THAP9: variants seen among roughly 807,000 people sequenced by gnomAD.
THAP9 encodes DNA transposase THAP9.
THAP9 carries 20 observed loss-of-function variants against 35.7 expected under a neutral mutation model. The ratio of observed to expected loss-of-function variants is 0.56; its 90% CI spans 0.39 to 0.81. The LOEUF is 0.81. Among genes scored for constraint, THAP9 ranks in the 40% least tolerant of loss-of-function variants. THAP9 has a pLI of 0.00. For synonymous variants in THAP9, 335 were observed against 373.7 expected (o/e 0.90, Z 1.19); for missense variants, 870 against 1,047.4 (o/e 0.83, Z 2.34).
In THAP9 at chr4:82,918,920, A is replaced by G; in HGVS notation, c.2708A>G (p.Lys903Arg). ...HLLSNDGYPF[K>R] ...CTAAGTAACGATGGATATCCATTCA[A>G]ATGAGAGACCTAAAATATATTAACA... Residue 903 changes from lysine (K) to arginine (R), a missense_variant, in exon 5 of 5, where the codon AAA (lysine) becomes AGA (arginine). By Grantham distance (26) the Lys-to-Arg change is conservative (BLOSUM62 2). This residue lies in a region of THAP9 where 414 missense variants were observed against 500.8 expected (regional missense o/e 0.83). Coordinates refer to ENST00000302236, the MANE Select transcript of THAP9 (RefSeq NM_024672.6). 1.9e-6 allele frequency: 3 copies of G among 1,575,900 alleles called. No individual in the cohort carries two copies. Among genetic ancestry groups the G allele is most frequent in the Non-Finnish European group, 2.6e-6 (3 of 1,162,344 alleles).
In THAP9 at chr4:82,917,441, C is replaced by T. The variant is rs1488528245; in HGVS notation, c.1229C>T (p.Ala410Val). 1 of 1,613,938 alleles carries T rather than the reference C, an allele frequency of 6.2e-7. No homozygotes were observed. Among genetic ancestry groups the T allele is most frequent in the Non-Finnish European group, 8.5e-7 (1 of 1,179,972 alleles). ...QHPSSSSQQI[A>V]YFFDSCHLLR... ...CCTTCATCTTCTAGTCAACAGATTG[C>T]ATACTTCTTTGACTCTTGCCACTTG... Residue 410 changes from alanine to valine, a missense_variant, in exon 5 of 5, where the codon GCA becomes GTA. Ala to Val is a moderately conservative substitution (Grantham distance 64). Around this residue, in one of 3 missense-constraint regions of THAP9, gnomAD observed 440 missense variants for 501.2 expected, o/e 0.88. Transcript: ENST00000302236.
chr4:82,919,061 T>C lies in THAP9; in HGVS notation c.*137T>C, dbSNP rs932773246. 5 of 684,462 alleles carry C rather than the reference T, an allele frequency of 7.3e-6. No individual in the cohort carries two copies. The East Asian group carries it at 1.4e-4, about 19-fold the overall frequency. The allele number at this position is 684,462 out of a possible 1,614,324, so 42.4% of individuals were successfully genotyped here. A position where few individuals can be genotyped will look rare whatever the true frequency, so the allele number is the denominator to read the frequency against. On this transcript the variant is annotated 3_prime_UTR_variant, in exon 5 of 5. Transcript: ENST00000302236. ...ATTCTGACTTATTAAAATTTCAAAT[T>C]CTGCATATCACAAAATCTCCTTATA...
chr4:82,904,659 G>A (rs1720568589), intron 1 of THAP9, 77 bp from the exon 2 acceptor site: 5 of 1,270,624 alleles, frequency 3.9e-6, no homozygotes, highest in South Asian at 3.0e-5. Flanking sequence ...AATAATAGAT[G>A]GGTTTATATA....
At chr4:82,901,094 C>T (rs1330928845) in intron 1 of THAP9, 1 of 712,136 alleles carries the variant, frequency 1.4e-6, no homozygotes, top group South Asian at 1.5e-5. Flanking sequence ...TCTGAATAGC[C>T]GGTTCTCGCA....
rs368236510 is a variant in THAP9 at position 82,904,958 on chromosome 4, A to T, written c.276+27A>T. 9 of 1,602,928 alleles carry T rather than the reference A, an allele frequency of 5.6e-6. No individual in the cohort carries two copies. The African/African-American group carries it at 1.2e-4, about 22-fold the overall frequency. ...TATTTAAATGTAGGTGTAAGTCAAC[A>T]AAATGAAAATTTACAGAGCCTTTAA... On this transcript the variant is annotated intron_variant, in intron 2 of 4. Transcript: ENST00000302236.
At position 82,906,343 on chromosome 4, in the gene THAP9, T is replaced by G; in HGVS notation, c.296T>G (p.Leu99Arg). The change falls in exon 3 of 5, where the codon CTT becomes CGT. Residue 99 changes from leucine to arginine, a missense_variant. Leu to Arg is a moderately radical substitution (Grantham distance 102). This residue lies in a region of THAP9 where 440 missense variants were observed against 501.2 expected (regional missense o/e 0.88). Coordinates refer to ENST00000302236, the MANE Select transcript of THAP9 (RefSeq NM_024672.6). ...SLYKIPQGVHLKGKARQKILK... is the reference protein window; with the variant it reads ...SLYKIPQGVHRKGKARQKILK... ...TCATAGATTCCTCAAGGTGTACATCTTAAAGGTAAAGCAAGACAAAAAATC... is the reference window on the plus strand; with the variant it reads ...TCATAGATTCCTCAAGGTGTACATCGTAAAGGTAAAGCAAGACAAAAAATC... 1 of 1,601,280 alleles carries G rather than the reference T, an allele frequency of 6.2e-7. No homozygotes were observed. Among genetic ancestry groups the G allele is most frequent in the East Asian group, 2.2e-5 (1 of 44,702 alleles).
intron 1 of THAP9, 35 bp downstream of exon 1, chr4:82,900,917 C>T (rs376316150): frequency 1.9e-6 from 3 of 1,609,208 alleles, no homozygotes; most frequent in Admixed American, 1.7e-5. Context: ...CCTTCGAACT[C>T]CCTGCGGGGC....
At chr4:82,903,927 A>G (rs1367347969) in intron 1 of THAP9, among the ~76,000 whole-genome samples, 1 of 152,170 alleles carries the variant, frequency 6.6e-6, no homozygotes, top group Non-Finnish European at 1.5e-5. Context: ...CTCTACAGAG[A>G]GCAAGGAGGA....
chr4:82,919,832 G>A lies in THAP9; in HGVS notation c.*908G>A, dbSNP rs1447398317. 1.3e-5 allele frequency: 2 copies of A among 152,186 alleles called. No homozygotes were observed. The highest frequency in any genetic ancestry group is 2.4e-5 in the African/African-American group (1 of 41,434). 9.4% of individuals were successfully genotyped at this position (152,186 alleles called of 1,614,324 possible). The stretch of plus-strand genomic sequence containing the variant: ...GAAGAAACAAGCACATTATTCACCT[G>A]TGTTGTAAAACATCTACTCTTTTTT... On this transcript the variant is annotated 3_prime_UTR_variant, in exon 5 of 5. Transcript: ENST00000302236.
rs746252217 is a variant in THAP9 at position 82,906,349 on chromosome 4, G to C, written c.302G>C (p.Gly101Ala). The change falls in exon 3 of 5, where the codon GGT becomes GCT. Residue 101 changes from glycine to alanine, a missense_variant. Physicochemically the swap from Gly to Ala is moderately conservative, Grantham distance 60 (BLOSUM62 0). This residue lies in a region of THAP9 where 440 missense variants were observed against 501.2 expected (regional missense o/e 0.88). Transcript: ENST00000302236. ...YKIPQGVHLK[G>A]KARQKILKQP... ...ATTCCTCAAGGTGTACATCTTAAAG[G>C]TAAAGCAAGACAAAAAATCCTAAAA... 76 of 1,605,080 alleles carry C rather than the reference G, an allele frequency of 4.7e-5. 1 individual carries two copies. The highest frequency in any genetic ancestry group is 5.4e-5 in the Non-Finnish European group (63 of 1,175,322).
intron 3 of THAP9, among the ~76,000 whole-genome samples, chr4:82,907,577 C>T (rs1014058555): frequency 2.6e-5 from 4 of 152,094 alleles, no homozygotes; most frequent in African/African-American, 7.2e-5. Context: ...AAAATTTTTT[C>T]TTCCCTCTAG....
chr4:82,909,738 A>G, intron 4 of THAP9, among the ~76,000 whole-genome samples: 1 of 152,182 alleles, frequency 6.6e-6, no homozygotes, highest in East Asian at 1.9e-4. Flanking sequence ...CATTCAAGCT[A>G]GATATTATAC....
At chr4:82,911,071 C>T (rs1720848580) in intron 4 of THAP9, among the ~76,000 whole-genome samples, 1 of 152,074 alleles carries the variant, frequency 6.6e-6, no homozygotes, top group Non-Finnish European at 1.5e-5. Context: ...GCAGATGTCC[C>T]AGCGTGTTCG....
intron 4 of THAP9, among the ~76,000 whole-genome samples, chr4:82,912,590 G>A (rs749298343): frequency 2.6e-5 from 4 of 152,086 alleles, no homozygotes; most frequent in Non-Finnish European, 5.9e-5. Context: ...TTGAACTTTC[G>A]CAAGGACAGT....
At position 82,900,796 on chromosome 4, in the gene THAP9, CAAG is replaced by C. The variant is rs757899936; in HGVS notation, c.-2_1del. 25 of 1,613,686 alleles carry C rather than the reference CAAG, an allele frequency of 1.5e-5. No individual in the cohort carries two copies. The highest frequency in any genetic ancestry group is 2.0e-5 in the Non-Finnish European group (24 of 1,180,010). ...ACCCCGAAGGTGGGGCCCCACGTAA[CAAG>C]AAGATGACCCGAAGTTGCTCCGCAG... On this transcript the variant is annotated 5_prime_UTR_variant, in exon 1 of 5. Coordinates refer to ENST00000302236, the MANE Select transcript of THAP9 (RefSeq NM_024672.6).
At chr4:82,904,058 C>CTTTTTTTT (rs59655406) in intron 1 of THAP9, among the ~76,000 whole-genome samples, 6 of 82,210 alleles carry the variant, frequency 7.3e-5, no homozygotes, top group African/African-American at 1.4e-4. Context: ...TAGGCTCCCC[C>CTTTTTTTT]TTTTTTTTTT....
intron 1 of THAP9, among the ~76,000 whole-genome samples, chr4:82,903,216 C>A (rs566672195): frequency 6.6e-6 from 1 of 152,172 alleles, no homozygotes; most frequent in Non-Finnish European, 1.5e-5. Context: ...GTGTTAATTT[C>A]ACAAGTTTCT....
intron 4 of THAP9, among the ~76,000 whole-genome samples, chr4:82,911,435 TA>T (rs974994682): frequency 6.6e-6 from 1 of 150,562 alleles, no homozygotes; most frequent in Non-Finnish European, 1.5e-5. Flanking sequence ...ACTAAAAAAA[TA>T]AAAAAAAATT....
chr4:82,910,761 G>A, intron 4 of THAP9: 1 of 468,114 alleles, frequency 2.1e-6, no homozygotes, highest in Non-Finnish European at 4.2e-6. Flanking sequence ...AGTGTAGAAA[G>A]TATTTCAAGG....
Sources: allele counts gnomAD v4.1 joint callset (sites outside exome capture counted in the v4.1 genomes callset), GRCh38; gene constraint gnomAD v4.1.1; regional missense constraint gnomAD v4.1.1; transcripts MANE v1.5; gene names NCBI Gene and HGNC (gene_info 2026-07-23, HGNC 2026-07-21).